Variants in TGFB2 observed in about 807,000 individuals in gnomAD.
TGFB2 encodes the protein transforming growth factor beta-2 proprotein.
Under a neutral mutation model 42.7 loss-of-function variants are expected in TGFB2, and 13 were observed. The observed-to-expected ratio is 0.30, with a 90% CI of 0.20 to 0.48. The LOEUF (loss-of-function observed/expected upper bound fraction) is 0.48. Among genes scored for constraint, TGFB2 ranks in the 20% least tolerant of loss-of-function variants. TGFB2 has a pLI of 0.99. For missense variants in TGFB2, 390 were observed against 517.5 expected, an observed-to-expected ratio of 0.75 and a Z score of 2.39; for synonymous variants, 193 against 193.6, an observed-to-expected ratio of 1.00 and a Z score of 0.03.
chr1:218,348,354 T>C (rs1656762749), intron 1 of TGFB2, among the ~76,000 whole-genome samples: 1 of 152,252 alleles, frequency 6.6e-6, no homozygotes, highest in Non-Finnish European at 1.5e-5. Flanking sequence ...TTAAAGGTTC[T>C]AGTTGCAGGG....
chr1:218,385,054 G>C (rs998879471), intron 1 of TGFB2, among the ~76,000 whole-genome samples: 2 of 152,146 alleles, frequency 1.3e-5, no homozygotes, highest in Non-Finnish European at 2.9e-5. Flanking sequence ...GGATGGGTGT[G>C]GTGAGTGGGA....
rs543549986 is a variant in TGFB2 at position 218,368,815 on chromosome 1, T to C, written c.346+21768T>C. ...GTTCTGTTGTGACATGTTCAAGGAT[T>C]GTCAAAAGTATCCTAGGGATGAGAT... On this transcript the variant is annotated intron_variant, in intron 1 of 6. Transcript: ENST00000366930. Among the ~76,000 whole-genome samples, 35 of 152,264 alleles carry C rather than the reference T, an allele frequency of 2.3e-4. 1 individual carries two copies. The East Asian group carries it at 6.0e-3, about 26-fold the overall frequency.
At chr1:218,373,277 TA>T (rs1255668562) in intron 1 of TGFB2, among the ~76,000 whole-genome samples, 1 of 152,178 alleles carries the variant, frequency 6.6e-6, no homozygotes, top group African/African-American at 2.4e-5. Context: ...TGGCTGTGTC[TA>T]GATATCCATG....
chr1:218,434,363 C>T lies in TGFB2; in HGVS notation c.669C>T (p.Ser223=), dbSNP rs527894189. ...ACAGGAACCTGGGATTTAAAATAAG[C>T]TTACACTGTCCCTGCTGCACTTTTG... ...HKDRNLGFKI[S]LHCPCCTFVP... Residue 223 remains serine, a synonymous_variant, in exon 4 of 7, where the codon AGC becomes AGT. Coordinates refer to ENST00000366930, the MANE Select transcript of TGFB2 (RefSeq NM_003238.6). The T allele has an allele frequency of 3.7e-6, 6 of 1,613,888 alleles. No individual in the cohort carries two copies. In the South Asian group the frequency reaches 6.6e-5, roughly 18 times the overall value.
chr1:218,406,941 G>A (rs1215904827), intron 2 of TGFB2, among the ~76,000 whole-genome samples: 2 of 152,144 alleles, frequency 1.3e-5, no homozygotes, highest in African/African-American at 2.4e-5. Flanking sequence ...GCATCTATGT[G>A]CAGAAACCGC....
intron 1 of TGFB2, among the ~76,000 whole-genome samples, chr1:218,350,527 G>T (rs950543361): frequency 1.3e-5 from 2 of 152,154 alleles, no homozygotes; most frequent in Admixed American, 6.5e-5. Flanking sequence ...TTTGTTGGGG[G>T]TTACTGAATT....
intron 1 of TGFB2, among the ~76,000 whole-genome samples, chr1:218,386,533 T>C (rs17047756): frequency 0.049 from 7,504 of 152,276 alleles, 215 homozygotes; most frequent in Middle Eastern, 0.082. Context: ...AGAATGGCTT[T>C]CTAAGATGTG....
At chr1:218,369,152 G>A (rs1175628798) in intron 1 of TGFB2, among the ~76,000 whole-genome samples, 2 of 150,620 alleles carry the variant, frequency 1.3e-5, no homozygotes, top group African/African-American at 4.9e-5. Flanking sequence ...CTACTCAGGA[G>A]GCTGAGACAG....
chr1:218,367,155 C>G (rs1488240915), intron 1 of TGFB2, among the ~76,000 whole-genome samples: 2 of 152,048 alleles, frequency 1.3e-5, no homozygotes, highest in African/African-American at 2.4e-5. Context: ...AAGGGACTTT[C>G]AAAGCTAGTG....
At chr1:218,415,475 A>AGGAG (rs1659244167) in intron 2 of TGFB2, among the ~76,000 whole-genome samples, 1 of 151,926 alleles carries the variant, frequency 6.6e-6, no homozygotes, top group East Asian at 1.9e-4. Context: ...TGGGTGGAAC[A>AGGAG]CTTGAGGTCA....
intron 1 of TGFB2, among the ~76,000 whole-genome samples, chr1:218,384,514 A>G (rs1658066817): frequency 6.6e-6 from 1 of 152,218 alleles, no homozygotes; most frequent in Admixed American, 6.5e-5. Context: ...TAGATAAATT[A>G]TTTAATCCTC....
At chr1:218,426,086 A>G (rs1430909294) in intron 2 of TGFB2, among the ~76,000 whole-genome samples, 1 of 152,250 alleles carries the variant, frequency 6.6e-6, no homozygotes, top group Non-Finnish European at 1.5e-5. Context: ...AGATGGGCCC[A>G]CACTAATGAA....
intron 1 of TGFB2, among the ~76,000 whole-genome samples, chr1:218,365,174 G>A (rs1279361304): frequency 6.6e-6 from 1 of 152,104 alleles, no homozygotes; most frequent in Non-Finnish European, 1.5e-5. Flanking sequence ...TGGTGACAGA[G>A]CCAAAATCTG....
rs1312807839 is a variant in TGFB2 at position 218,346,663 on chromosome 1, G to A, written c.-39G>A. The A allele has an allele frequency of 2.0e-6, 3 of 1,523,176 alleles. No individual in the cohort carries two copies. In the South Asian group the frequency reaches 3.7e-5, roughly 19 times the overall value. 94.4% of individuals were successfully genotyped at this position (1,523,176 alleles called of 1,614,324 possible). On this transcript the variant is annotated 5_prime_UTR_variant, in exon 1 of 7. Transcript: ENST00000366930. This position sits in a 1 kb window ranked among gnomAD's most constrained non-coding sequence, Gnocchi z 4.9. Reference sequence around the variant, plus strand: ...ATTGTTGATTTCTTTTTTTTATTCTGACTTTTAAAAACAACTTTTTTTTCC... The same window carrying A: ...ATTGTTGATTTCTTTTTTTTATTCTAACTTTTAAAAACAACTTTTTTTTCC...
intron 1 of TGFB2, among the ~76,000 whole-genome samples, chr1:218,389,870 C>A (rs1658264676): frequency 6.6e-6 from 1 of 152,198 alleles, no homozygotes; most frequent in African/African-American, 2.4e-5. Context: ...AAATAAACAT[C>A]TTCAGTGACA....
intron 1 of TGFB2, among the ~76,000 whole-genome samples, chr1:218,403,497 C>T (rs1036280006): frequency 6.6e-6 from 1 of 152,094 alleles, no homozygotes; most frequent in African/African-American, 2.4e-5. Flanking sequence ...CAATAAATCA[C>T]GGAAGGTATT....
Position 218,435,820 on chromosome 1 carries a change from C to A in TGFB2, c.755-150C>A, listed in dbSNP as rs1432697948. On this transcript the variant is annotated intron_variant, in intron 4 of 6. Transcript: ENST00000366930. ...TAGTCGTAGTCCTGTTGTGCCATAT[C>A]TATTTCCATGGGGAATAACTGTTGC... 2.7e-5 allele frequency: 20 copies of A among 751,876 alleles called. No individual in the cohort carries two copies. In the East Asian group the frequency reaches 5.1e-4, roughly 19 times the overall value. The allele number at this position is 751,876 out of a possible 1,614,324, so 46.6% of individuals were successfully genotyped here. A position where few individuals can be genotyped will look rare whatever the true frequency, so the allele number is the denominator to read the frequency against.
In TGFB2 at chr1:218,442,591, T is replaced by C. The variant is rs781757001; in HGVS notation, c.*1229T>C. On this transcript the variant is annotated 3_prime_UTR_variant, in exon 7 of 7. Transcript: ENST00000366930. The stretch of plus-strand genomic sequence containing the variant: ...TGACTTGCACTACAAATGCATTTTT[T>C]TTTTAATAACATTTGCCCTACTTGT... The C allele has an allele frequency of 4.6e-5, 7 of 152,112 alleles. No homozygotes were observed. The highest frequency in any genetic ancestry group is 1.0e-4 in the Non-Finnish European group (7 of 67,990). 9.4% of individuals were successfully genotyped at this position (152,112 alleles called of 1,614,324 possible). A position where few individuals can be genotyped will look rare whatever the true frequency, so the allele number is the denominator to read the frequency against.
intron 1 of TGFB2, among the ~76,000 whole-genome samples, chr1:218,387,665 T>C (rs1377799936): frequency 6.6e-6 from 1 of 152,174 alleles, no homozygotes; most frequent in Non-Finnish European, 1.5e-5. Context: ...CTCTTAATGC[T>C]CACTCCTGAA....
Sources: allele counts gnomAD v4.1 joint callset (sites outside exome capture counted in the v4.1 genomes callset), GRCh38; gene constraint gnomAD v4.1.1; non-coding constraint Gnocchi (gnomAD v3.1); transcripts MANE v1.5; gene names NCBI Gene and HGNC (gene_info 2026-07-23, HGNC 2026-07-21).